CPAMD8: variants seen among roughly 807,000 people sequenced by gnomAD.
CPAMD8 encodes the protein C3 and PZP like alpha-2-macroglobulin domain containing 8.
In CPAMD8, 146 loss-of-function variants were observed where a neutral mutation model predicts 224.7. The observed-to-expected ratio is 0.65, with a 90% CI of 0.57 to 0.75. The LOEUF (loss-of-function observed/expected upper bound fraction) is 0.75, where lower values mean the gene tolerates loss of function less well. Ranked by LOEUF, CPAMD8 falls within the 30% of genes least tolerant of loss-of-function variation. The pLI, the probability that CPAMD8 is intolerant of heterozygous loss-of-function variation, is 0.00. For missense variants in CPAMD8, 2,301 were observed against 2,537.5 expected (o/e 0.91, Z 2.00); for synonymous variants, 966 against 1,044.6 (o/e 0.92, Z 1.45).
chr19:16,950,614 T>C (rs1236075075), intron 20 of CPAMD8, among the ~76,000 whole-genome samples: 1 of 151,596 alleles, frequency 6.6e-6, no homozygotes, highest in Non-Finnish European at 1.5e-5. Context: ...CATATGGAGA[T>C]GCCATCTCTA....
chr19:17,008,502 T>C lies in CPAMD8; in HGVS notation c.559+3A>G. ...CCCCCAAGCCGCAGAGGAAGAAACT[T>C]ACCGCAGCAGAACGGCTTTAAGTGT... On this transcript the variant is annotated splice_donor_region_variant and intron_variant, in intron 7 of 41. Transcript: ENST00000443236. The C allele has an allele frequency of 2.5e-6, 4 of 1,612,696 alleles. No homozygotes were observed. The highest frequency in any genetic ancestry group is 3.4e-6 in the Non-Finnish European group (4 of 1,180,016).
intron 26 of CPAMD8, among the ~76,000 whole-genome samples, chr19:16,924,921 C>T (rs778558659): frequency 1.3e-5 from 2 of 151,316 alleles, no homozygotes; most frequent in Non-Finnish European, 2.9e-5. Context: ...TTTAATAATG[C>T]TGTTATATTA....
intron 18 of CPAMD8, among the ~76,000 whole-genome samples, chr19:16,964,122 T>G (rs1258853589): frequency 1.3e-5 from 2 of 151,858 alleles, no homozygotes; most frequent in East Asian, 1.9e-4. Context: ...ACATCACAAT[T>G]AAAAGAACTA....
intron 7 of CPAMD8, 35 bp downstream of exon 7, chr19:17,008,470 T>C (rs778087551): frequency 6.2e-7 from 1 of 1,611,230 alleles, no homozygotes; most frequent in African/African-American, 1.3e-5. Flanking sequence ...GTTTATCACA[T>C]CTGCAGCCCC....
chr19:16,936,691 G>A (rs1179771215), intron 23 of CPAMD8, among the ~76,000 whole-genome samples: 1 of 152,124 alleles, frequency 6.6e-6, no homozygotes, highest in African/African-American at 2.4e-5. Context: ...ACAGGTGTGA[G>A]CCACCACAGT....
intron 2 of CPAMD8, among the ~76,000 whole-genome samples, 189 bp from the exon 3 acceptor site, chr19:17,020,542 C>A (rs1217130416): frequency 2.6e-5 from 4 of 152,080 alleles, no homozygotes; most frequent in Admixed American, 2.6e-4. Flanking sequence ...TTCCTCCAAG[C>A]TGGCACAAGC....
chr19:16,896,735 G>A, intron 39 of CPAMD8, 70 bp from the exon 40 acceptor site: 2 of 1,156,610 alleles, frequency 1.7e-6, no homozygotes, highest in Non-Finnish European at 2.3e-6. Context: ...GAACCTGGGG[G>A]TGGGGAAGAT....
chr19:16,967,337 CG>C (rs968113505), intron 18 of CPAMD8, among the ~76,000 whole-genome samples: 5 of 13,764 alleles, frequency 3.6e-4, no homozygotes, highest in Non-Finnish European at 1.1e-3. Context: ...TGGGGCCTGT[CG>C]GGGGGTGGGG....
intron 30 of CPAMD8, among the ~76,000 whole-genome samples, chr19:16,906,407 TTTCC>T (rs553500267): frequency 0.085 from 5,841 of 69,100 alleles, 562 homozygotes; most frequent in African/African-American, 0.1. Context: ...TCTTTCTTTC[TTTCC>T]TTCCTTCCTT....
At chr19:17,009,699 A>G (rs12979956) in intron 5 of CPAMD8, among the ~76,000 whole-genome samples, 39,082 of 151,638 alleles carry the variant, frequency 0.26, 6,033 homozygotes, top group African/African-American at 0.44. Flanking sequence ...GCATGAACCC[A>G]GGAGGCAGAG....
At chr19:16,909,955 G>A (rs945658191) in intron 29 of CPAMD8, among the ~76,000 whole-genome samples, 3 of 151,544 alleles carry the variant, frequency 2.0e-5, no homozygotes. Flanking sequence ...AGGTTCAAGC[G>A]ATTCTCCTGC....
chr19:16,924,909 T>C (rs2053304846), intron 26 of CPAMD8, among the ~76,000 whole-genome samples: 1 of 152,088 alleles, frequency 6.6e-6, no homozygotes, highest in Admixed American at 6.5e-5. Context: ...CTAAATGTTA[T>C]TTTTAATAAT....
chr19:16,920,793 T>G lies in CPAMD8; in HGVS notation c.3629+1112A>C, dbSNP rs868119296. The stretch of plus-strand genomic sequence containing the variant: ...ATTGCTTGAACCTAGGAGATGGAGG[T>G]TGCAGTGACCCAAGATTGCACCACT... On this transcript the variant is annotated intron_variant, in intron 27 of 41. Transcript: ENST00000443236. Among the ~76,000 whole-genome samples the G allele has an allele frequency of 8.7e-5, 13 of 148,682 alleles. 1 individual carries two copies. Among genetic ancestry groups the G allele is most frequent in the Admixed American group, 5.4e-4 (8 of 14,794 alleles).
chr19:16,919,919 A>T (rs1374000310), intron 27 of CPAMD8, among the ~76,000 whole-genome samples: 1 of 152,192 alleles, frequency 6.6e-6, no homozygotes, highest in Non-Finnish European at 1.5e-5. Flanking sequence ...CCACATGCTT[A>T]TCCCATGGAT....
At chr19:16,943,004 CTTTTTTCTTTTT>C (rs1402172726) in intron 22 of CPAMD8, among the ~76,000 whole-genome samples, 2 of 134,226 alleles carry the variant, frequency 1.5e-5, no homozygotes, top group Non-Finnish European at 3.2e-5. Context: ...TTTCTTTTTT[CTTTTTTCTTTTT>C]TTTTTTTTTG....
At chr19:16,912,035 A>C (rs1378131254) in intron 29 of CPAMD8, among the ~76,000 whole-genome samples, 1 of 151,944 alleles carries the variant, frequency 6.6e-6, no homozygotes, top group East Asian at 1.9e-4. Flanking sequence ...GTCTCCCATC[A>C]CTCCCAGAAA....
At chr19:16,991,116 T>G (rs890097753) in intron 12 of CPAMD8, among the ~76,000 whole-genome samples, 3 of 151,604 alleles carry the variant, frequency 2.0e-5, no homozygotes, top group African/African-American at 7.3e-5. Context: ...CAAAAAACTT[T>G]GGACACCAAA....
At chr19:16,935,967 G>A (rs559067361) in intron 23 of CPAMD8, among the ~76,000 whole-genome samples, 11 of 148,994 alleles carry the variant, frequency 7.4e-5, no homozygotes, top group East Asian at 3.9e-4. Context: ...TCACTCTGTC[G>A]CCTAGGCTGG....
Position 16,945,463 on chromosome 19 carries a change from C to T in CPAMD8, c.2793+86G>A, listed in dbSNP as rs1381358042. On this transcript the variant is annotated intron_variant, in intron 22 of 41. Transcript: ENST00000443236. The stretch of plus-strand genomic sequence containing the variant: ...GGCTGCCCAGGCCCTGGCTCAGCCT[C>T]AGACCACACACTCCAGCTGGGCCCA... The T allele has an allele frequency of 4.5e-6, 7 of 1,544,264 alleles. No individual in the cohort carries two copies. In the Admixed American group the frequency reaches 1.3e-4, roughly 29 times the overall value.
Sources: allele counts gnomAD v4.1 joint callset (sites outside exome capture counted in the v4.1 genomes callset), GRCh38; gene constraint gnomAD v4.1.1; transcripts MANE v1.5; gene names NCBI Gene and HGNC (gene_info 2026-07-23, HGNC 2026-07-21).